DCTN3: variants seen among roughly 807,000 people sequenced by gnomAD.
The protein encoded by DCTN3 is dynactin subunit 3.
DCTN3 carries 25 observed loss-of-function variants against 28.4 expected under a neutral mutation model. That is an observed-to-expected ratio of 0.88 (90% confidence interval 0.64 to 1.23). The LOEUF is 1.23. DCTN3 is among the 50% of genes most tolerant of loss of function. DCTN3 has a pLI of 0.00. For missense variants in DCTN3, 229 were observed against 232.0 expected, an observed-to-expected ratio of 0.99 and a Z score of 0.08; for synonymous variants, 81 against 91.4, an observed-to-expected ratio of 0.89 and a Z score of 0.65.
At chr9:34,618,655 G>A in intron 2 of DCTN3, 21 bp downstream of exon 2, 1 of 1,599,464 alleles carries the variant, frequency 6.3e-7, no homozygotes, top group Non-Finnish European at 8.6e-7. Context: ...GGGCAGGCAG[G>A]CACATCATGG....
chr9:34,614,894 T>A, intron 4 of DCTN3, 126 bp from the exon 5 acceptor site: 2 of 1,157,296 alleles, frequency 1.7e-6, no homozygotes, highest in Non-Finnish European at 2.5e-6. Flanking sequence ...CCAGACTTCA[T>A]CGACTGCTGC....
intron 3 of DCTN3, 34 bp downstream of exon 3, chr9:34,617,851 C>T: frequency 6.2e-7 from 1 of 1,612,822 alleles, no homozygotes; most frequent in Non-Finnish European, 8.5e-7. Flanking sequence ...GACCCACATC[C>T]TCAGATGCAT....
chr9:34,620,266 C>T, intron 1 of DCTN3, 103 bp downstream of exon 1: 1 of 1,009,446 alleles, frequency 9.9e-7, no homozygotes, highest in Non-Finnish European at 1.5e-6. Context: ...TTTCAAAGGC[C>T]GGGCTGCGGA....
In DCTN3 at chr9:34,620,428, G is replaced by T. The variant is rs772060854; in HGVS notation, c.37C>A (p.Arg13=). The T allele has an allele frequency of 1.2e-5, 19 of 1,560,936 alleles. No homozygotes were observed. Among genetic ancestry groups the T allele is most frequent in the Non-Finnish European group, 1.6e-5 (18 of 1,153,380 alleles). Residue 13 remains arginine (R), a synonymous_variant, in exon 1 of 7, where the codon CGA becomes AGA. Transcript: ENST00000259632. ...GLTDLQRLQA[R]VEELERWVYG... ...ACCCAGCGCTCCAGCTCTTCCACTC[G>T]GGCCTGTAGCCGCTGCAAGTCAGTC...
intron 2 of DCTN3, among the ~76,000 whole-genome samples, chr9:34,618,406 A>C (rs1402940089): frequency 6.6e-6 from 1 of 152,168 alleles, no homozygotes; most frequent in Non-Finnish European, 1.5e-5. Flanking sequence ...GAAATCCCAT[A>C]CCCTTTTTAC....
Position 34,618,859 on chromosome 9 carries a change from C to T in DCTN3, c.97-99G>A, listed in dbSNP as rs564143226. The stretch of plus-strand genomic sequence containing the variant: ...TTCTCCCAGACTCTCAAACCTGAAT[C>T]CCAGTAATCTAGGTTGGCCTCCCTT... On this transcript the variant is annotated intron_variant, in intron 1 of 6. Transcript: ENST00000259632. The T allele has an allele frequency of 1.7e-4, 161 of 931,542 alleles. No homozygotes were observed. In the South Asian group the frequency reaches 1.9e-3, roughly 11 times the overall value. 57.7% of individuals were successfully genotyped at this position (931,542 alleles called of 1,614,324 possible).
intron 4 of DCTN3, 35 bp from the exon 5 acceptor site, chr9:34,614,803 T>C (rs1820386287): frequency 6.2e-7 from 1 of 1,613,250 alleles, no homozygotes; most frequent in African/African-American, 1.3e-5. Context: ...GGATGATGCT[T>C]GTGCCCTCCC....
intron 5 of DCTN3, 85 bp downstream of exon 5, chr9:34,614,625 T>C (rs1235273427): frequency 2.6e-6 from 4 of 1,512,990 alleles, no homozygotes; most frequent in Non-Finnish European, 3.7e-6. Context: ...CAGAAAGGCC[T>C]GAAGCTGCTT....
chr9:34,618,166 C>T (rs1359822308), intron 2 of DCTN3, among the ~76,000 whole-genome samples, 195 bp from the exon 3 acceptor site: 1 of 152,180 alleles, frequency 6.6e-6, no homozygotes. Flanking sequence ...CTCTTGAAGT[C>T]TCTTCTGACA....
chr9:34,614,339 C>A lies in DCTN3; in HGVS notation c.412-238G>T. The A allele has an allele frequency of 1.3e-5, 10 of 792,580 alleles. No individual in the cohort carries two copies. The South Asian group carries it at 1.9e-4, about 15-fold the overall frequency. The allele number at this position is 792,580 out of a possible 1,614,324, so 49.1% of individuals were successfully genotyped here. A position where few individuals can be genotyped will look rare whatever the true frequency, so the allele number is the denominator to read the frequency against. On this transcript the variant is annotated intron_variant, in intron 5 of 6. Transcript: ENST00000259632. ...GCCATACATTAAGTAAACATTCCCC[C>A]TAGTGTATGTCTCTTCTTCTGTCCT...
chr9:34,614,857 G>A, intron 4 of DCTN3, 89 bp from the exon 5 acceptor site: 1 of 1,506,536 alleles, frequency 6.6e-7, no homozygotes, highest in Admixed American at 1.7e-5. Context: ...CAGGATTAGA[G>A]TATTGAGTGG....
intron 3 of DCTN3, among the ~76,000 whole-genome samples, chr9:34,617,201 A>T (rs1316858560): frequency 6.6e-6 from 1 of 152,140 alleles, no homozygotes; most frequent in Non-Finnish European, 1.5e-5. Flanking sequence ...TGCACTGATC[A>T]GTCTCCTGGG....
chr9:34,617,185 C>A (rs1051872161), intron 3 of DCTN3, among the ~76,000 whole-genome samples: 1 of 152,176 alleles, frequency 6.6e-6, no homozygotes, highest in Non-Finnish European at 1.5e-5. Flanking sequence ...GTCCTCAGTG[C>A]TGCATTGCAC....
rs1369502956 is a variant in DCTN3 at position 34,614,782 on chromosome 9, C to T, written c.353-14G>A. The T allele has an allele frequency of 6.2e-7, 1 of 1,613,886 alleles. No individual in the cohort carries two copies. Reference sequence around the variant, plus strand: ...GCTCAGGAACGGCTGTAAAACACAACACACACTGCTGGATGATGCTTGTGC... The same window carrying T: ...GCTCAGGAACGGCTGTAAAACACAATACACACTGCTGGATGATGCTTGTGC... On this transcript the variant is annotated splice_polypyrimidine_tract_variant and intron_variant, in intron 4 of 6. Coordinates refer to ENST00000259632, the MANE Select transcript of DCTN3 (RefSeq NM_007234.5).
intron 1 of DCTN3, among the ~76,000 whole-genome samples, chr9:34,619,584 G>A (rs1820504639): frequency 6.6e-6 from 1 of 152,114 alleles, no homozygotes; most frequent in Non-Finnish European, 1.5e-5. Context: ...AGCCGTAAGA[G>A]GTAGAAGGAA....
chr9:34,614,152 T>C lies in DCTN3; in HGVS notation c.412-51A>G, dbSNP rs1024046374. 6 of 1,613,782 alleles carry C rather than the reference T, an allele frequency of 3.7e-6. No individual in the cohort carries two copies. In the African/African-American group the frequency reaches 8.0e-5, roughly 22 times the overall value. ...AAGGAACTGGGCAAAGCCCACATCT[T>C]CCACTAAACTTCCTGCCTCATCACG... On this transcript the variant is annotated intron_variant, in intron 5 of 6. Coordinates refer to ENST00000259632, the MANE Select transcript of DCTN3 (RefSeq NM_007234.5).
intron 5 of DCTN3, 84 bp downstream of exon 5, chr9:34,614,626 G>A: frequency 6.6e-7 from 1 of 1,517,118 alleles, no homozygotes; most frequent in South Asian, 1.1e-5. Context: ...AGAAAGGCCT[G>A]AAGCTGCTTC....
chr9:34,620,373 C>T lies in DCTN3; in HGVS notation c.92G>A (p.Arg31Gln). The T allele has an allele frequency of 1.2e-6, 2 of 1,611,282 alleles. No individual in the cohort carries two copies. The highest frequency in any genetic ancestry group is 1.7e-6 in the Non-Finnish European group (2 of 1,179,164). Residue 31 changes from arginine to glutamine, a missense_variant, in exon 1 of 7, where the codon CGG becomes CAG. Arg to Gln is a conservative substitution (Grantham distance 43). Transcript: ENST00000259632. ...CTACCGGACCAGACTACTCACCTTCCGTGAGCCGCGCGCCCCGCCCGGCCC... is the reference window on the plus strand; with the variant it reads ...CTACCGGACCAGACTACTCACCTTCTGTGAGCCGCGCGCCCCGCCCGGCCC... ...VYGPGGARGS[R>Q]KVADGLVKVQ...
At chr9:34,613,937 C>A (rs763283932) in intron 6 of DCTN3, 66 bp from the exon 7 acceptor site, 2 of 1,613,212 alleles carry the variant, frequency 1.2e-6, no homozygotes, top group Non-Finnish European at 1.7e-6. Flanking sequence ...GGGGAACAGG[C>A]AAACATAGGT....
Sources: allele counts gnomAD v4.1 joint callset (sites outside exome capture counted in the v4.1 genomes callset), GRCh38; gene constraint gnomAD v4.1.1; transcripts MANE v1.5; gene names NCBI Gene and HGNC (gene_info 2026-07-23, HGNC 2026-07-21).